NCAM1: variants seen among roughly 807,000 people sequenced by gnomAD.
NCAM1 encodes the protein antigen recognized by monoclonal antibody 5.1H11.
A neutral mutation model predicts 109.8 loss-of-function variants in NCAM1; 14 were observed. The observed-to-expected ratio is 0.13, with a 90% CI of 0.08 to 0.20. The LOEUF is 0.20. Among genes scored for constraint, NCAM1 ranks in the 10% least tolerant of loss-of-function variants. The pLI is 1.00. For missense variants in NCAM1, 774 were observed against 1,109.9 expected (o/e 0.70, Z 4.30); for synonymous variants, 418 against 442.9 (o/e 0.94, Z 0.70).
chr11:113,268,537 G>A (rs575504697), intron 17 of NCAM1, among the ~76,000 whole-genome samples: 1 of 152,260 alleles, frequency 6.6e-6, no homozygotes, highest in South Asian at 2.1e-4. Context: ...CATTTGTGAG[G>A]GATCCTCTCT....
rs535862595 is a variant in NCAM1, at chr11:113,151,422, T to C, written c.53-50957T>C. Among the ~76,000 whole-genome samples, 13 of 152,208 alleles carry C rather than the reference T, an allele frequency of 8.5e-5. No homozygotes were observed. In the South Asian group the frequency reaches 2.5e-3, roughly 29 times the overall value. On this transcript the variant is annotated intron_variant, in intron 1 of 19. Coordinates refer to ENST00000316851, the MANE Select transcript of NCAM1 (RefSeq NM_181351.5). ...TGATCCTGAAAGCATTGCCTGTAAG[T>C]GAAAATATACTCACTCCTGGGGAGG...
chr11:113,142,285 CA>C (rs1555100607), intron 1 of NCAM1, among the ~76,000 whole-genome samples: 1 of 152,144 alleles, frequency 6.6e-6, no homozygotes, highest in African/African-American at 2.4e-5. Context: ...GTCACATGAG[CA>C]GGCTTTTTGA....
chr11:113,108,426 G>T (rs941752386), intron 1 of NCAM1, among the ~76,000 whole-genome samples: 1 of 152,080 alleles, frequency 6.6e-6, no homozygotes, highest in African/African-American at 2.4e-5. Flanking sequence ...TCTGACTTTC[G>T]GGTAATTGCT....
chr11:113,138,561 T>A (rs1555099882), intron 1 of NCAM1, among the ~76,000 whole-genome samples: 1 of 152,232 alleles, frequency 6.6e-6, no homozygotes, highest in African/African-American at 2.4e-5. Context: ...ATTCTTGATG[T>A]GGACACATGC....
intron 1 of NCAM1, among the ~76,000 whole-genome samples, chr11:113,157,138 C>G (rs1230294347): frequency 6.8e-6 from 1 of 146,370 alleles, no homozygotes; most frequent in African/African-American, 2.5e-5. Context: ...TTCCCTGAGA[C>G]ACACACACAC....
At position 113,277,167 on chromosome 11, in the gene NCAM1, G is replaced by A. The variant is rs1383255902; in HGVS notation, c.*1780G>A. On this transcript the variant is annotated 3_prime_UTR_variant, in exon 20 of 20. Coordinates refer to ENST00000316851, the MANE Select transcript of NCAM1 (RefSeq NM_181351.5). ...ACTCCGCATGCGCTCCTCTCCTAAGGTACAAAGCAGCAAGAGGTTAGGGTG... is the reference window on the plus strand; with the variant it reads ...ACTCCGCATGCGCTCCTCTCCTAAGATACAAAGCAGCAAGAGGTTAGGGTG... 3 of 396,330 alleles carry A rather than the reference G, an allele frequency of 7.6e-6. No homozygotes were observed. Among genetic ancestry groups the A allele is most frequent in the African/African-American group, 6.2e-5 (3 of 48,560 alleles). 24.6% of individuals were successfully genotyped at this position (396,330 alleles called of 1,614,324 possible).
intron 1 of NCAM1, among the ~76,000 whole-genome samples, chr11:113,126,748 C>T (rs1031182899): frequency 3.9e-5 from 6 of 152,190 alleles, no homozygotes; most frequent in South Asian, 4.1e-4. Context: ...AAGTCCCCAA[C>T]GCCCACTGCA....
chr11:113,052,540 T>C (rs184627456), intron 1 of NCAM1, among the ~76,000 whole-genome samples: 2 of 151,306 alleles, frequency 1.3e-5, no homozygotes, highest in Admixed American at 6.6e-5. Flanking sequence ...GGAAATGCCA[T>C]AGTATGTCAC....
chr11:113,159,925 T>A (rs1384976186), intron 1 of NCAM1, among the ~76,000 whole-genome samples: 16 of 144,328 alleles, frequency 1.1e-4, no homozygotes, highest in African/African-American at 4.1e-4. Context: ...AGAATGTAGT[T>A]GTAGCTTTTA....
At chr11:112,964,093 A>C (rs1950651157) in intron 1 of NCAM1, among the ~76,000 whole-genome samples, 1 of 151,960 alleles carries the variant, frequency 6.6e-6, no homozygotes, top group Admixed American at 6.6e-5. Context: ...TGAAAACATA[A>C]CAACAAGTAT....
chr11:112,990,670 G>T (rs561150602), intron 1 of NCAM1, among the ~76,000 whole-genome samples: 1 of 152,096 alleles, frequency 6.6e-6, no homozygotes, highest in Non-Finnish European at 1.5e-5. Context: ...CATCCATGGC[G>T]CAAGTGGGTG....
intron 1 of NCAM1, among the ~76,000 whole-genome samples, chr11:113,161,035 G>A (rs1488034399): frequency 1.3e-5 from 2 of 152,018 alleles, no homozygotes; most frequent in South Asian, 2.1e-4. Context: ...GGGAAGTTGG[G>A]TTCTGTCTTC....
chr11:112,977,659 C>A (rs1951041400), intron 1 of NCAM1, among the ~76,000 whole-genome samples: 1 of 151,808 alleles, frequency 6.6e-6, no homozygotes, highest in Non-Finnish European at 1.5e-5. Context: ...TCTAAATTGT[C>A]ATTGTTTACA....
chr11:113,131,530 G>GC (rs1276990376), intron 1 of NCAM1, among the ~76,000 whole-genome samples: 1 of 152,244 alleles, frequency 6.6e-6, no homozygotes, highest in Non-Finnish European at 1.5e-5. Context: ...ACCTGGCAGT[G>GC]CGCCACCCTT....
intron 1 of NCAM1, among the ~76,000 whole-genome samples, chr11:113,192,605 T>C (rs1049789534): frequency 2.0e-5 from 3 of 152,172 alleles, no homozygotes; most frequent in African/African-American, 7.2e-5. Flanking sequence ...AGAATGGCTC[T>C]ATTGGGATGC....
chr11:112,971,054 C>T (rs1555066679), intron 1 of NCAM1, among the ~76,000 whole-genome samples: 2 of 151,902 alleles, frequency 1.3e-5, no homozygotes, highest in African/African-American at 4.8e-5. Flanking sequence ...ACTTGTAGGT[C>T]AGTATTTTTC....
intron 1 of NCAM1, among the ~76,000 whole-genome samples, chr11:112,998,748 G>A (rs188289888): frequency 6.6e-6 from 1 of 152,122 alleles, no homozygotes; most frequent in Non-Finnish European, 1.5e-5. Flanking sequence ...CATAAATTCC[G>A]AATGTCTTTC....
chr11:113,093,329 A>G (rs1939443160), intron 1 of NCAM1, among the ~76,000 whole-genome samples: 1 of 152,326 alleles, frequency 6.6e-6, no homozygotes, highest in South Asian at 2.1e-4. Flanking sequence ...TAGTATAGAC[A>G]AGGCCCACTC....
intron 1 of NCAM1, among the ~76,000 whole-genome samples, chr11:113,023,382 C>T (rs111687860): frequency 2.6e-5 from 4 of 152,160 alleles, no homozygotes; most frequent in African/African-American, 9.7e-5. Flanking sequence ...ATGCCAGCTC[C>T]GTGACTTTTA....
Sources: gnomAD v4.1 joint callset for allele counts (sites outside exome capture counted in the v4.1 genomes callset) on GRCh38, gnomAD v4.1.1 for gene constraint, MANE v1.5 for transcripts, NCBI Gene and HGNC (gene_info 2026-07-23, HGNC 2026-07-21) for gene names.